TPPP: variants seen among roughly 807,000 people sequenced by gnomAD.
The protein encoded by TPPP is tubulin polymerization-promoting protein.
TPPP carries 6 observed loss-of-function variants against 15.5 expected under a neutral mutation model. That is an observed-to-expected ratio of 0.39 (90% CI 0.21 to 0.77). The LOEUF (loss-of-function observed/expected upper bound fraction) is 0.77, where lower values mean the gene tolerates loss of function less well. Among genes scored for constraint, TPPP ranks in the 30% least tolerant of loss-of-function variants. The pLI is 0.42. For synonymous variants in TPPP, 146 were observed against 133.9 expected, an observed-to-expected ratio of 1.09 and a Z score of -0.63; for missense variants, 269 against 307.2, an observed-to-expected ratio of 0.88 and a Z score of 0.93.
chr5:672,210 C>T (rs1263656114), intron 2 of TPPP, among the ~76,000 whole-genome samples: 9 of 152,058 alleles, frequency 5.9e-5, no homozygotes, highest in Non-Finnish European at 1.0e-4. Flanking sequence ...GCCGGCTGGC[C>T]GGGGGGGTGT....
intron 2 of TPPP, among the ~76,000 whole-genome samples, chr5:668,386 C>T (rs1174213889): frequency 1.9e-5 from 2 of 103,184 alleles, no homozygotes; most frequent in African/African-American, 4.3e-5. Context: ...GCGTGGGCCT[C>T]GTCAGGGAAG....
intron 2 of TPPP, among the ~76,000 whole-genome samples, chr5:675,136 G>C (rs78917688): frequency 2.0e-5 from 2 of 99,164 alleles, no homozygotes; most frequent in Admixed American, 2.1e-4. Context: ...GTGGCCAGGG[G>C]TGCAGTGTGG....
chr5:669,804 G>GC (rs1412958341), intron 2 of TPPP, among the ~76,000 whole-genome samples: 2 of 151,986 alleles, frequency 1.3e-5, no homozygotes, highest in Non-Finnish European at 2.9e-5. Flanking sequence ...AGACCCGGGT[G>GC]CCCCCCGCCT....
At chr5:681,678 C>G (rs113930996) in intron 1 of TPPP, among the ~76,000 whole-genome samples, 2 of 152,114 alleles carry the variant, frequency 1.3e-5, no homozygotes, top group African/African-American at 4.8e-5. Context: ...CCACTCCCAC[C>G]CACCCCCAGC....
At chr5:693,929 G>T (rs2126919019), upstream of TPPP, among the ~76,000 whole-genome samples, 1 of 149,344 alleles carries the variant, frequency 6.7e-6, no homozygotes, top group Non-Finnish European at 1.5e-5. Flanking sequence ...TTCCAGGTGG[G>T]GGCAGCGCGG....
chr5:675,270 AGCCCAG>A (rs1740376784), intron 2 of TPPP, among the ~76,000 whole-genome samples: 1 of 74,024 alleles, frequency 1.4e-5, no homozygotes, highest in Non-Finnish European at 2.4e-5. Flanking sequence ...CCGGGGGTGC[AGCCCAG>A]GGGGTTCAGT....
At chr5:698,908 A>G in the TPPP span, among the ~76,000 whole-genome samples, 6 of 152,132 alleles carry the variant, frequency 3.9e-5, no homozygotes, top group East Asian at 9.6e-4. Flanking sequence ...TCAGGAAGGC[A>G]ATCTCATTTA....
chr5:665,012 C>T lies in TPPP; in HGVS notation c.*90G>A, dbSNP rs1291465388. On this transcript the variant is annotated 3_prime_UTR_variant, in exon 4 of 4. Transcript: ENST00000360578. Reference sequence around the variant, plus strand: ...CTCTGGGGCACCCGTCTGAGTTCTGCCCCAGTTAGTACAGGAATGTAATGA... The same window carrying T: ...CTCTGGGGCACCCGTCTGAGTTCTGTCCCAGTTAGTACAGGAATGTAATGA... 6.7e-5 allele frequency: 99 copies of T among 1,467,574 alleles called. No individual in the cohort carries two copies. Among genetic ancestry groups the T allele is most frequent in the Non-Finnish European group, 9.1e-5 (99 of 1,087,684 alleles). The allele number at this position is 1,467,574 out of a possible 1,614,324, so 90.9% of individuals were successfully genotyped here. A position where few individuals can be genotyped will look rare whatever the true frequency, so the allele number is the denominator to read the frequency against.
chr5:665,190 C>G lies in TPPP; in HGVS notation c.572G>C (p.Gly191Ala). 1 of 1,613,870 alleles carries G rather than the reference C, an allele frequency of 6.2e-7. No homozygotes were observed. The highest frequency in any genetic ancestry group is 8.5e-7 in the Non-Finnish European group (1 of 1,179,988). ...DPSGKGKGKA[G>A]RVDLVDESGY... ...TGACTCGTCCACCAGATCCACGCGG[C>G]CAGCCTTGCCCTTGCCCTTGCCAGA... Residue 191 changes from glycine to alanine, a missense_variant, in exon 4 of 4, where the codon GGC becomes GCC. By Grantham distance (60) the Gly-to-Ala change is moderately conservative. Transcript: ENST00000360578.
chr5:692,490 G>T, intron 1 of TPPP: 1 of 878,094 alleles, frequency 1.1e-6, no homozygotes, highest in Non-Finnish European at 1.3e-6. Context: ...CCCCCATCAA[G>T]ACAACAGCCC....
chr5:698,668 C>T, the TPPP span, among the ~76,000 whole-genome samples: 1 of 151,904 alleles, frequency 6.6e-6, no homozygotes, highest in Non-Finnish European at 1.5e-5. Flanking sequence ...GTGAAAACTG[C>T]CCCCATGATT....
chr5:677,916 T>G lies in TPPP; in HGVS notation c.145A>C (p.Ser49Arg). The G allele has an allele frequency of 6.2e-7, 1 of 1,612,786 alleles. No homozygotes were observed. Among genetic ancestry groups the G allele is most frequent in the Non-Finnish European group, 8.5e-7 (1 of 1,179,872 alleles). ...CGCCGGAAGGCCTCCTCCAGGGCAC[T>G]GAGCTCAGGGGATGCGGCTGCCCCC... ...GEGAAASPEL[S>R]ALEEAFRRFA... is the part of the protein sequence containing the mutation. Residue 49 changes from serine to arginine, a missense_variant, in exon 2 of 4, where the codon AGT (serine) becomes CGT (arginine). Physicochemically the swap from Ser to Arg is moderately radical, Grantham distance 110. Transcript: ENST00000360578.
At chr5:682,708 G>A (rs1740661523) in intron 1 of TPPP, among the ~76,000 whole-genome samples, 1 of 152,228 alleles carries the variant, frequency 6.6e-6, no homozygotes, top group African/African-American at 2.4e-5. Context: ...CTGTTTTAAA[G>A]GTAGCAGCAG....
chr5:671,053 C>A (rs973874682), intron 2 of TPPP, among the ~76,000 whole-genome samples: 55 of 152,258 alleles, frequency 3.6e-4, no homozygotes, highest in African/African-American at 1.3e-3. Context: ...CCAGCTCTAA[C>A]CCCAGGCACA....
At position 677,953 on chromosome 5, in the gene TPPP, C is replaced by G; in HGVS notation, c.108G>C (p.Glu36Asp). 6.2e-7 allele frequency: 1 copy of G among 1,611,600 alleles called. No individual in the cohort carries two copies. Reference sequence around the variant, plus strand: ...ATGCGGCTGCCCCCTCACCAGCACCCTCCGATTCCAGCGACAGCCTCTTGG... The same window carrying G: ...ATGCGGCTGCCCCCTCACCAGCACCGTCCGATTCCAGCGACAGCCTCTTGG... ...RAAKRLSLES[E>D]GAGEGAAASP... is the part of the protein sequence containing the mutation. The change falls in exon 2 of 4, where the codon GAG becomes GAC. Residue 36 changes from glutamate to aspartate, a missense_variant. Glu to Asp is a conservative substitution (Grantham distance 45). Coordinates refer to ENST00000360578, the MANE Select transcript of TPPP (RefSeq NM_007030.3).
At chr5:679,356 G>A (rs1380635695) in intron 1 of TPPP, among the ~76,000 whole-genome samples, 2 of 150,196 alleles carry the variant, frequency 1.3e-5, no homozygotes, top group African/African-American at 5.0e-5. Flanking sequence ...CAACCCAGCG[G>A]AGGATGCAGG....
At position 663,077 on chromosome 5, in the gene TPPP, T is replaced by G. The variant is rs1011627602; in HGVS notation, c.*2025A>C. 2 of 104,432 alleles carry G rather than the reference T, an allele frequency of 1.9e-5. No homozygotes were observed. Among genetic ancestry groups the G allele is most frequent in the Non-Finnish European group, 4.4e-5 (2 of 45,312 alleles). 6.5% of individuals were successfully genotyped at this position (104,432 alleles called of 1,614,324 possible). A position where few individuals can be genotyped will look rare whatever the true frequency, so the allele number is the denominator to read the frequency against. ...TCTGTGATCGGGTGATTCCGATGAC[T>G]GCTTGTCTGTGATTGGGCGATTCCG... On this transcript the variant is annotated 3_prime_UTR_variant, in exon 4 of 4. Transcript: ENST00000360578.
the TPPP span, among the ~76,000 whole-genome samples, chr5:698,819 A>G: frequency 6.6e-6 from 1 of 152,028 alleles, no homozygotes; most frequent in African/African-American, 2.4e-5. Flanking sequence ...TAAATTCAGT[A>G]GCATTTAAGG....
At chr5:672,327 C>A (rs1196666881) in intron 2 of TPPP, among the ~76,000 whole-genome samples, 1 of 152,224 alleles carries the variant, frequency 6.6e-6, no homozygotes, top group Admixed American at 6.5e-5. Context: ...AACCAGCGTC[C>A]AGGTATCAGT....
Sources: gnomAD v4.1 joint callset for allele counts (sites outside exome capture counted in the v4.1 genomes callset) on GRCh38, gnomAD v4.1.1 for gene constraint, MANE v1.5 for transcripts, NCBI Gene and HGNC (gene_info 2026-07-23, HGNC 2026-07-21) for gene names.